The following SFRP4 variants were observed in gnomAD, a reference collection of about 807,000 sequenced individuals.
SFRP4 encodes the protein secreted frizzled related protein 4.
Under a neutral mutation model 36.3 loss-of-function variants are expected in SFRP4, and 25 were observed. The observed-to-expected ratio is 0.69, with a 90% CI of 0.50 to 0.96. The LOEUF (loss-of-function observed/expected upper bound fraction) is 0.96, where lower values mean the gene tolerates loss of function less well. Among genes scored for constraint, SFRP4 ranks in the 40% least tolerant of loss-of-function variants. SFRP4 has a pLI of 0.00. For synonymous variants in SFRP4, 182 were observed against 168.8 expected (o/e 1.08, Z -0.60); for missense variants, 487 against 459.6 (o/e 1.06, Z -0.54).
chr7:37,914,266 C>A lies in SFRP4; in HGVS notation c.539G>T (p.Cys180Phe). The A allele has an allele frequency of 6.2e-7, 1 of 1,614,118 alleles. No homozygotes were observed. Among genetic ancestry groups the A allele is most frequent in the Non-Finnish European group, 8.5e-7 (1 of 1,179,982 alleles). Reference sequence around the variant, plus strand: ...TGCCAAAGTTGGCTTCACCTTTTTACACTTGCACCGATCTAAAAAAGGCAG... The same window carrying A: ...TGCCAAAGTTGGCTTCACCTTTTTAAACTTGCACCGATCTAAAAAAGGCAG... ...CKRLSPDRCK[C>F]KKVKPTLATY... is the part of the protein sequence containing the mutation. Residue 180 changes from cysteine (C) to phenylalanine (F), a missense_variant, in exon 3 of 6, where the codon TGT becomes TTT. By Grantham distance (205) the Cys-to-Phe change is radical. Coordinates refer to ENST00000436072, the MANE Select transcript of SFRP4 (RefSeq NM_003014.4).
chr7:37,912,231 A>C lies in SFRP4; in HGVS notation c.679T>G (p.Ser227Ala). 1 of 1,614,058 alleles carries C rather than the reference A, an allele frequency of 6.2e-7. No homozygotes were observed. The highest frequency in any genetic ancestry group is 8.5e-7 in the Non-Finnish European group (1 of 1,179,902). Reference protein sequence around the residue: ...VVDVKEIFKSSSPIPRTQVPL... With the variant: ...VVDVKEIFKSASPIPRTQVPL... Reference sequence around the variant, plus strand: ...ACTTGAGTTCGAGGGATGGGTGATGAGGACTTGAAGATCTCTTTTACATCC... The same window carrying C: ...ACTTGAGTTCGAGGGATGGGTGATGCGGACTTGAAGATCTCTTTTACATCC... The change falls in exon 4 of 6, where the codon TCA becomes GCA. Residue 227 changes from serine (S) to alanine (A), a missense_variant. Transcript: ENST00000436072.
chr7:37,916,484 G>A lies in SFRP4; in HGVS notation c.54C>T (p.Gly18=), dbSNP rs1025569779. ...ALCLWLHLAL[G]VRGAPCEAVR... is the part of the protein sequence containing the mutation. ...CCGCCTCGCAGGGCGCGCCGCGCACGCCCAGCGCCAGGTGCAGCCACAGGC... is the reference window on the plus strand; with the variant it reads ...CCGCCTCGCAGGGCGCGCCGCGCACACCCAGCGCCAGGTGCAGCCACAGGC... Residue 18 remains glycine, a synonymous_variant, in exon 1 of 6, where the codon GGC becomes GGT. Coordinates refer to ENST00000436072, the MANE Select transcript of SFRP4 (RefSeq NM_003014.4). This position sits in a 1 kb window ranked among gnomAD's most constrained non-coding sequence, Gnocchi z 4.1. 24 of 1,612,574 alleles carry A rather than the reference G, an allele frequency of 1.5e-5. No individual in the cohort carries two copies. The highest frequency in any genetic ancestry group is 1.9e-5 in the Non-Finnish European group (23 of 1,179,538).
At chr7:37,912,359 G>T in intron 3 of SFRP4, 42 bp from the exon 4 acceptor site, 1 of 1,527,796 alleles carries the variant, frequency 6.5e-7, no homozygotes, top group Non-Finnish European at 9.1e-7. Flanking sequence ...GAAGGTTTTG[G>T]GGAAAAACTA....
At position 37,906,451 on chromosome 7, in the gene SFRP4, A is replaced by G. The variant is rs1785397887; in HGVS notation, c.*1028T>C. 1 of 152,308 alleles carries G rather than the reference A, an allele frequency of 6.6e-6. No homozygotes were observed. Among genetic ancestry groups the G allele is most frequent in the Admixed American group, 6.5e-5 (1 of 15,306 alleles). The allele number at this position is 152,308 out of a possible 1,614,324, so 9.4% of individuals were successfully genotyped here. The stretch of plus-strand genomic sequence containing the variant: ...GTATCCCAACTGTCAAGTAATTCTC[A>G]TTTCAGAGGTGGAACCTCAACTTTC... On this transcript the variant is annotated 3_prime_UTR_variant, in exon 6 of 6. Transcript: ENST00000436072.
In SFRP4 at chr7:37,912,254, T is replaced by A. The variant is rs1248957536; in HGVS notation, c.656A>T (p.Asp219Val). The A allele has an allele frequency of 6.2e-7, 1 of 1,614,010 alleles. No individual in the cohort carries two copies. Among genetic ancestry groups the A allele is most frequent in the African/African-American group, 1.3e-5 (1 of 74,916 alleles). Residue 219 changes from aspartate to valine, a missense_variant, in exon 4 of 6, where the codon GAT becomes GTT. Coordinates refer to ENST00000436072, the MANE Select transcript of SFRP4 (RefSeq NM_003014.4). Reference protein sequence around the residue: ...SGCNEVTTVVDVKEIFKSSSP... With the variant: ...SGCNEVTTVVVVKEIFKSSSP... ...TGAGGACTTGAAGATCTCTTTTACA[T>A]CCACCACCGTTGTGACCTCATTGCA...
chr7:37,914,454 C>T lies in SFRP4; in HGVS notation c.446-1G>A. The T allele has an allele frequency of 3.7e-6, 6 of 1,612,988 alleles. No homozygotes were observed. The highest frequency in any genetic ancestry group is 5.1e-6 in the Non-Finnish European group (6 of 1,178,930). ...GGTGTGATGTCTATCCACTTAACAT[C>T]TGAAACACAAACAGGGCCACATGGG... On this transcript the variant is annotated splice_acceptor_variant, in intron 1 of 5. Coordinates refer to ENST00000436072, the MANE Select transcript of SFRP4 (RefSeq NM_003014.4). LOFTEE classifies it high-confidence loss of function.
rs979372331 is a variant in SFRP4 at position 37,907,058 on chromosome 7, A to T, written c.*421T>A. On this transcript the variant is annotated 3_prime_UTR_variant, in exon 6 of 6. Coordinates refer to ENST00000436072, the MANE Select transcript of SFRP4 (RefSeq NM_003014.4). ...TTCGATCACATTTTAAAACATCACT[A>T]ACATTGCAACAACAGATATCAAAAG... 2 of 153,576 alleles carry T rather than the reference A, an allele frequency of 1.3e-5. No homozygotes were observed. The highest frequency in any genetic ancestry group is 1.3e-4 in the Admixed American group (2 of 15,356). The allele number at this position is 153,576 out of a possible 1,614,324, so 9.5% of individuals were successfully genotyped here.
chr7:37,913,163 A>G (rs925434647), intron 3 of SFRP4, among the ~76,000 whole-genome samples: 2 of 152,260 alleles, frequency 1.3e-5, no homozygotes, highest in Non-Finnish European at 2.9e-5. Context: ...GTAGCTACAT[A>G]GAGCAGGCTT....
intron 4 of SFRP4, among the ~76,000 whole-genome samples, chr7:37,910,958 C>T (rs1369624665): frequency 6.6e-6 from 1 of 152,128 alleles, no homozygotes; most frequent in Non-Finnish European, 1.5e-5. Context: ...CTTTACATAC[C>T]CTTACCAATT....
Position 37,914,266 on chromosome 7 carries a change from C to T in SFRP4, c.539G>A (p.Cys180Tyr), listed in dbSNP as rs1426548120. Residue 180 changes from cysteine (C) to tyrosine (Y), a missense_variant, in exon 3 of 6, where the codon TGT becomes TAT. Coordinates refer to ENST00000436072, the MANE Select transcript of SFRP4 (RefSeq NM_003014.4). ...CKRLSPDRCKCKKVKPTLATY... is the reference protein window; with the variant it reads ...CKRLSPDRCKYKKVKPTLATY... Reference sequence around the variant, plus strand: ...TGCCAAAGTTGGCTTCACCTTTTTACACTTGCACCGATCTAAAAAAGGCAG... The same window carrying T: ...TGCCAAAGTTGGCTTCACCTTTTTATACTTGCACCGATCTAAAAAAGGCAG... 9.9e-6 allele frequency: 16 copies of T among 1,614,118 alleles called. No homozygotes were observed. The highest frequency in any genetic ancestry group is 1.3e-5 in the African/African-American group (1 of 75,032).
chr7:37,907,993 G>A (rs1785424405), intron 5 of SFRP4, among the ~76,000 whole-genome samples: 5 of 152,180 alleles, frequency 3.3e-5, no homozygotes, highest in Admixed American at 3.3e-4. Flanking sequence ...CACCCACTCT[G>A]ACTCCAGAGC....
Position 37,914,471 on chromosome 7 carries a change from C to A in SFRP4, c.446-18G>T, listed in dbSNP as rs1785544421. The A allele has an allele frequency of 6.3e-7, 1 of 1,599,138 alleles. No individual in the cohort carries two copies. Among genetic ancestry groups the A allele is most frequent in the Admixed American group, 1.7e-5 (1 of 59,996 alleles). On this transcript the variant is annotated intron_variant, in intron 1 of 5. Transcript: ENST00000436072. Reference sequence around the variant, plus strand: ...CTTAACATCTGAAACACAAACAGGGCCACATGGGCGTGGTTGGTGATTTGG... The same window carrying A: ...CTTAACATCTGAAACACAAACAGGGACACATGGGCGTGGTTGGTGATTTGG...
intron 4 of SFRP4, 26 bp downstream of exon 4, chr7:37,912,093 A>T (rs1785497229): frequency 6.4e-7 from 1 of 1,569,048 alleles, no homozygotes; most frequent in African/African-American, 1.3e-5. Flanking sequence ...GTGTGCATAC[A>T]GTTCCTTCTG....
chr7:37,912,179 T>G lies in SFRP4; in HGVS notation c.731A>C (p.Gln244Pro). 1.2e-6 allele frequency: 2 copies of G among 1,614,166 alleles called. No homozygotes were observed. Among genetic ancestry groups the G allele is most frequent in the Non-Finnish European group, 1.7e-6 (2 of 1,180,010 alleles). ...QVPLITNSSC[Q>P]CPHILPHQDV... Reference sequence around the variant, plus strand: ...TTGATGGGGCAGGATGTGTGGACACTGGCAAGAAGAATTTGTAATGAGCGG... The same window carrying G: ...TTGATGGGGCAGGATGTGTGGACACGGGCAAGAAGAATTTGTAATGAGCGG... The change falls in exon 4 of 6, where the codon CAG (glutamine) becomes CCG (proline). Residue 244 changes from glutamine (Q) to proline (P), a missense_variant. Coordinates refer to ENST00000436072, the MANE Select transcript of SFRP4 (RefSeq NM_003014.4).
At chr7:37,910,267 A>C (rs1785462442) in intron 4 of SFRP4, among the ~76,000 whole-genome samples, 1 of 151,924 alleles carries the variant, frequency 6.6e-6, no homozygotes, top group African/African-American at 2.4e-5. Context: ...TTTTATTTGG[A>C]TTTAGAATTA....
rs1785500843 is a variant in SFRP4, at chr7:37,912,228, A to G, written c.682T>C (p.Ser228Pro). Reference sequence around the variant, plus strand: ...GGGACTTGAGTTCGAGGGATGGGTGATGAGGACTTGAAGATCTCTTTTACA... The same window carrying G: ...GGGACTTGAGTTCGAGGGATGGGTGGTGAGGACTTGAAGATCTCTTTTACA... ...VDVKEIFKSS[S>P]PIPRTQVPLI... is the part of the protein sequence containing the mutation. The change falls in exon 4 of 6, where the codon TCA (serine) becomes CCA (proline). Residue 228 changes from serine to proline, a missense_variant. Transcript: ENST00000436072. 1 of 1,614,114 alleles carries G rather than the reference A, an allele frequency of 6.2e-7. No homozygotes were observed. The highest frequency in any genetic ancestry group is 8.5e-7 in the Non-Finnish European group (1 of 1,179,956).
At chr7:37,913,419 A>G (rs1785525700) in intron 3 of SFRP4, among the ~76,000 whole-genome samples, 2 of 152,354 alleles carry the variant, frequency 1.3e-5, no homozygotes, top group Admixed American at 1.3e-4. Context: ...CCCTAAAACC[A>G]CTTTATGTTA....
intron 5 of SFRP4, among the ~76,000 whole-genome samples, chr7:37,909,351 CA>C (rs1387978147): frequency 1.3e-5 from 2 of 152,078 alleles, no homozygotes; most frequent in African/African-American, 4.8e-5. Flanking sequence ...AATAAAGAAA[CA>C]AAAGGCTCAT....
chr7:37,907,531 T>G lies in SFRP4; in HGVS notation c.989A>C (p.Lys330Thr). 1.2e-6 allele frequency: 2 copies of G among 1,613,916 alleles called. No homozygotes were observed. The highest frequency in any genetic ancestry group is 1.7e-6 in the Non-Finnish European group (2 of 1,179,858). The stretch of plus-strand genomic sequence containing the variant: ...CTGGGCACTCCTAGTTTTAATGTTC[T>G]TCTTGGGACTGGCTGGTTTGGGAGC... ...PPAPKPASPK[K>T]NIKTRSAQKR... is the part of the protein sequence containing the mutation. The change falls in exon 6 of 6, where the codon AAG (lysine) becomes ACG (threonine). Residue 330 changes from lysine to threonine, a missense_variant. Physicochemically the swap from Lys to Thr is moderately conservative, Grantham distance 78 (BLOSUM62 -1). Coordinates refer to ENST00000436072, the MANE Select transcript of SFRP4 (RefSeq NM_003014.4).
Sources: gnomAD v4.1 joint callset for allele counts (sites outside exome capture counted in the v4.1 genomes callset) on GRCh38, gnomAD v4.1.1 for gene constraint, Gnocchi (gnomAD v3.1) non-coding constraint, MANE v1.5 for transcripts, NCBI Gene and HGNC (gene_info 2026-07-23, HGNC 2026-07-21) for gene names.